Variants in XKR4 observed in about 807,000 individuals in gnomAD.
XKR4 encodes XK-related protein 4.
Under a neutral mutation model 53.9 loss-of-function variants are expected in XKR4, and 12 were observed. That is an observed-to-expected ratio of 0.22 (90% CI 0.14 to 0.36). The LOEUF (loss-of-function observed/expected upper bound fraction) is 0.36, where lower values mean the gene tolerates loss of function less well. XKR4 is among the 10% of genes least tolerant of loss of function. The probability of loss-of-function intolerance (pLI) is 1.00; values close to 1 mark genes in which losing one functional copy is unlikely to be tolerated. For missense variants in XKR4, 799 were observed against 859.5 expected (o/e 0.93, Z 0.88); for synonymous variants, 354 against 362.4 (o/e 0.98, Z 0.26).
intron 2 of XKR4, among the ~76,000 whole-genome samples, chr8:55,362,792 T>C (rs1803923868): frequency 6.6e-6 from 1 of 152,224 alleles, no homozygotes; most frequent in Non-Finnish European, 1.5e-5. Flanking sequence ...TACCAGTTCA[T>C]GTACAGACAA....
chr8:55,449,883 G>A, intron 2 of XKR4: 1 of 910,824 alleles, frequency 1.1e-6, no homozygotes, highest in Non-Finnish European at 1.8e-6. Context: ...TGCTGGTGCT[G>A]CCGCAGGCAG....
chr8:55,155,638 G>C (rs927265329), intron 1 of XKR4, among the ~76,000 whole-genome samples: 5 of 150,484 alleles, frequency 3.3e-5, no homozygotes, highest in Non-Finnish European at 5.9e-5. Context: ...CATTAAGAGA[G>C]AGAGAGAGAA....
At chr8:55,403,615 A>G (rs1467631216) in intron 2 of XKR4, among the ~76,000 whole-genome samples, 1 of 152,222 alleles carries the variant, frequency 6.6e-6, no homozygotes, top group Non-Finnish European at 1.5e-5. Context: ...TAATCACTCA[A>G]GTCTGTATTG....
intron 1 of XKR4, among the ~76,000 whole-genome samples, chr8:55,275,523 T>A (rs1324344271): frequency 1.3e-5 from 2 of 152,184 alleles, no homozygotes; most frequent in Non-Finnish European, 2.9e-5. Context: ...AGCTAGAGAA[T>A]ATCAGGGAAG....
chr8:55,467,466 A>G (rs1805792836), intron 2 of XKR4, among the ~76,000 whole-genome samples: 1 of 152,104 alleles, frequency 6.6e-6, no homozygotes, highest in African/African-American at 2.4e-5. Context: ...AGGGGAGTGG[A>G]TTGCACATGT....
At chr8:55,320,117 G>A (rs1315509617) in intron 1 of XKR4, among the ~76,000 whole-genome samples, 1 of 152,202 alleles carries the variant, frequency 6.6e-6, no homozygotes, top group Non-Finnish European at 1.5e-5. Flanking sequence ...CGTTCAATGT[G>A]TTATATTACG....
At chr8:55,320,253 A>G (rs890149421) in intron 1 of XKR4, among the ~76,000 whole-genome samples, 3 of 152,234 alleles carry the variant, frequency 2.0e-5, no homozygotes, top group East Asian at 3.8e-4. Context: ...TAGTGAGAGG[A>G]AAAAAGTCAG....
At chr8:55,161,893 C>A (rs940463095) in intron 1 of XKR4, among the ~76,000 whole-genome samples, 38 of 152,196 alleles carry the variant, frequency 2.5e-4, no homozygotes, top group Admixed American at 1.3e-4. Context: ...TTGATCAATT[C>A]TTTCACAAAC....
rs1176515282 is a variant in XKR4 at position 55,529,466 on chromosome 8, C to T, written c.*5239C>T. The T allele has an allele frequency of 1.3e-5, 2 of 152,204 alleles. No individual in the cohort carries two copies. Among genetic ancestry groups the T allele is most frequent in the Non-Finnish European group, 2.9e-5 (2 of 68,052 alleles). The allele number at this position is 152,204 out of a possible 1,614,324, so 9.4% of individuals were successfully genotyped here. A position where few individuals can be genotyped will look rare whatever the true frequency, so the allele number is the denominator to read the frequency against. On this transcript the variant is annotated 3_prime_UTR_variant, in exon 3 of 3. Coordinates refer to ENST00000327381, the MANE Select transcript of XKR4 (RefSeq NM_052898.2). ...GTTCCATCTCCCACATTGAGAGTAG[C>T]TCACCACGATGGATGGTTTACTGCG...
rs1042355648 is a variant in XKR4 at position 55,526,361 on chromosome 8, T to A, written c.*2134T>A. On this transcript the variant is annotated 3_prime_UTR_variant, in exon 3 of 3. Transcript: ENST00000327381. The stretch of plus-strand genomic sequence containing the variant: ...ATCAATTTTTTTAAAAAATAGACAA[T>A]TTTTATAAGTAGACATACTTCCTAG... 1 of 152,170 alleles carries A rather than the reference T, an allele frequency of 6.6e-6. No individual in the cohort carries two copies. Among genetic ancestry groups the A allele is most frequent in the Non-Finnish European group, 1.5e-5 (1 of 68,024 alleles). The allele number at this position is 152,170 out of a possible 1,614,324, so 9.4% of individuals were successfully genotyped here.
chr8:55,108,020 C>G (rs770739363), intron 1 of XKR4, among the ~76,000 whole-genome samples: 1 of 152,148 alleles, frequency 6.6e-6, no homozygotes, highest in Non-Finnish European at 1.5e-5. Context: ...AGTAGACCAT[C>G]TCAATAGAAG....
At chr8:55,120,382 C>G (rs1816374318) in intron 1 of XKR4, among the ~76,000 whole-genome samples, 1 of 151,980 alleles carries the variant, frequency 6.6e-6, no homozygotes. Flanking sequence ...TGAACTCCAC[C>G]CTGGAAAGAC....
intron 1 of XKR4, among the ~76,000 whole-genome samples, chr8:55,178,021 A>G (rs918125675): frequency 4.6e-5 from 7 of 151,848 alleles, no homozygotes; most frequent in Admixed American, 6.6e-5. Context: ...ATTGAAACAA[A>G]CCCCTTTAAT....
intron 2 of XKR4, among the ~76,000 whole-genome samples, chr8:55,412,798 A>G (rs1273192910): frequency 2.6e-5 from 4 of 152,220 alleles, no homozygotes; most frequent in Admixed American, 2.6e-4. Flanking sequence ...ATTCCCGAGG[A>G]GCCTCACTAA....
chr8:55,462,870 G>C (rs1805685101), intron 2 of XKR4, among the ~76,000 whole-genome samples: 1 of 152,076 alleles, frequency 6.6e-6, no homozygotes, highest in Admixed American at 6.6e-5. Flanking sequence ...GATCAAAAGA[G>C]ACAAAGAAGG....
At chr8:55,287,190 CAAAT>C (rs1216492508) in intron 1 of XKR4, among the ~76,000 whole-genome samples, 1 of 149,482 alleles carries the variant, frequency 6.7e-6, no homozygotes, top group African/African-American at 2.5e-5. Flanking sequence ...AATACAAAAA[CAAAT>C]CACCAAACAC....
chr8:55,417,360 T>C (rs1297621830), intron 2 of XKR4, among the ~76,000 whole-genome samples: 1 of 152,182 alleles, frequency 6.6e-6, no homozygotes, highest in Admixed American at 6.5e-5. Flanking sequence ...ATTTCATAAA[T>C]TGGTTAATTC....
At position 55,534,358 on chromosome 8, in the gene XKR4, ATATTCTTTTT is replaced by A. The variant is rs1806997072; in HGVS notation, c.*10133_*10142del. The A allele has an allele frequency of 4.2e-5, 3 of 71,586 alleles. No homozygotes were observed. Among genetic ancestry groups the A allele is most frequent in the Non-Finnish European group, 9.0e-5 (3 of 33,434 alleles). 4.4% of individuals were successfully genotyped at this position (71,586 alleles called of 1,614,324 possible). A position where few individuals can be genotyped will look rare whatever the true frequency, so the allele number is the denominator to read the frequency against. On this transcript the variant is annotated 3_prime_UTR_variant, in exon 3 of 3. Transcript: ENST00000327381. Reference sequence around the variant, plus strand: ...TACGAGCTCAAAGATCACGAATCTGATATTCTTTTTTTTTTTTTTTTTTTTTTTTTTTTGA... The same window carrying A: ...TACGAGCTCAAAGATCACGAATCTGATTTTTTTTTTTTTTTTTTTTTTTGA...
At chr8:55,453,551 C>T (rs561269136) in intron 2 of XKR4, 57 of 379,214 alleles carry the variant, frequency 1.5e-4, no homozygotes, top group African/African-American at 6.8e-4. Context: ...GGCAGTCATG[C>T]GGGGCCCTGA....
Sources: gnomAD v4.1 joint callset for allele counts (sites outside exome capture counted in the v4.1 genomes callset) on GRCh38, gnomAD v4.1.1 for gene constraint, MANE v1.5 for transcripts, NCBI Gene and HGNC (gene_info 2026-07-23, HGNC 2026-07-21) for gene names.